Variants in ITPR2 observed in about 807,000 individuals in gnomAD.
ITPR2 encodes the protein inositol 1,4,5-trisphosphate-gated calcium channel ITPR2.
ITPR2 carries 207 observed loss-of-function variants against 317.1 expected under a neutral mutation model. The observed-to-expected ratio is 0.65, with a 90% CI of 0.58 to 0.73. The LOEUF (loss-of-function observed/expected upper bound fraction) is 0.73, where lower values mean the gene tolerates loss of function less well. ITPR2 is among the 30% of genes least tolerant of loss of function. ITPR2 has a pLI of 0.00. For missense variants in ITPR2, 2,613 were observed against 3,284.0 expected (o/e 0.80, Z 4.99); for synonymous variants, 1,156 against 1,149.1 (o/e 1.01, Z -0.12).
At chr12:26,617,727 G>GAA (rs879305280) in intron 26 of ITPR2, among the ~76,000 whole-genome samples, 113 of 111,390 alleles carry the variant, frequency 1.0e-3, no homozygotes, top group South Asian at 2.6e-3. Flanking sequence ...AAGGAGGAAG[G>GAA]GAGGGAGGGA....
At chr12:26,557,261 C>T (rs945500604) in intron 35 of ITPR2, among the ~76,000 whole-genome samples, 4 of 152,148 alleles carry the variant, frequency 2.6e-5, no homozygotes, top group Admixed American at 6.5e-5. Flanking sequence ...TACCCAACAG[C>T]CTTTCTTCAC....
intron 21 of ITPR2, among the ~76,000 whole-genome samples, chr12:26,642,246 T>C (rs1947006989): frequency 6.6e-6 from 1 of 152,228 alleles, no homozygotes; most frequent in Non-Finnish European, 1.5e-5. Context: ...CCATAATCTC[T>C]ATTTCCTATG....
intron 45 of ITPR2, among the ~76,000 whole-genome samples, chr12:26,463,858 A>T (rs1463749127): frequency 6.6e-6 from 1 of 152,162 alleles, no homozygotes; most frequent in Admixed American, 6.5e-5. Flanking sequence ...CAGTTGCAAC[A>T]CAGGGCTTTC....
intron 8 of ITPR2, among the ~76,000 whole-genome samples, chr12:26,711,924 A>G (rs531019201): frequency 5.1e-4 from 78 of 152,318 alleles, no homozygotes; most frequent in African/African-American, 1.8e-3. Context: ...AGCCCTTTCC[A>G]TGCATGCTTT....
intron 37 of ITPR2, among the ~76,000 whole-genome samples, chr12:26,525,943 C>T (rs76409326): frequency 0.013 from 1,996 of 152,290 alleles, 44 homozygotes; most frequent in African/African-American, 0.045. Context: ...GTCACCACTG[C>T]CAGCATTCCT....
At chr12:26,669,530 G>C (rs768599520) in intron 13 of ITPR2, among the ~76,000 whole-genome samples, 1 of 152,154 alleles carries the variant, frequency 6.6e-6, no homozygotes, top group Non-Finnish European at 1.5e-5. Flanking sequence ...CAAAAGCAAA[G>C]AAAAATAATC....
At chr12:26,694,215 A>G (rs901287963) in intron 10 of ITPR2, among the ~76,000 whole-genome samples, 1 of 152,208 alleles carries the variant, frequency 6.6e-6, no homozygotes, top group African/African-American at 2.4e-5. Context: ...ATGGATCAAG[A>G]CAAAACAAGA....
At chr12:26,508,979 C>T (rs1943259318) in intron 37 of ITPR2, among the ~76,000 whole-genome samples, 1 of 152,194 alleles carries the variant, frequency 6.6e-6, no homozygotes, top group African/African-American at 2.4e-5. Context: ...ATAGTAGAGA[C>T]AATCCAAATG....
chr12:26,821,251 C>A (rs1950933754), intron 1 of ITPR2, among the ~76,000 whole-genome samples: 2 of 152,246 alleles, frequency 1.3e-5, no homozygotes, highest in South Asian at 4.1e-4. Flanking sequence ...TCTCCCATAC[C>A]ACACTGCCCC....
chr12:26,679,802 G>A (rs1408960229), intron 13 of ITPR2, among the ~76,000 whole-genome samples: 5 of 151,920 alleles, frequency 3.3e-5, no homozygotes, highest in African/African-American at 1.2e-4. Context: ...TACACAACGG[G>A]ATCAACCTCC....
At chr12:26,825,394 T>C (rs1950994515) in intron 1 of ITPR2, among the ~76,000 whole-genome samples, 2 of 152,190 alleles carry the variant, frequency 1.3e-5, no homozygotes, top group Non-Finnish European at 2.9e-5. Context: ...AGTCCACTGT[T>C]AATTCTTTTA....
intron 9 of ITPR2, among the ~76,000 whole-genome samples, chr12:26,702,662 A>C (rs2137004903): frequency 6.7e-6 from 1 of 150,142 alleles, no homozygotes; most frequent in Admixed American, 6.6e-5. Flanking sequence ...CTAGTCTTGA[A>C]CTCCTGACCT....
chr12:26,439,030 TA>T, intron 47 of ITPR2, 96 bp downstream of exon 47: 2 of 783,850 alleles, frequency 2.6e-6, no homozygotes, highest in Non-Finnish European at 4.1e-6. Context: ...AGCAAGAAAT[TA>T]AAAAAACAAT....
intron 1 of ITPR2, among the ~76,000 whole-genome samples, chr12:26,798,018 A>T (rs986604199): frequency 1.3e-5 from 2 of 151,914 alleles, no homozygotes; most frequent in Admixed American, 6.6e-5. Context: ...AACTTTCAGA[A>T]CTTTATCACA....
intron 12 of ITPR2, among the ~76,000 whole-genome samples, 166 bp downstream of exon 12, chr12:26,682,408 G>C (rs1419490477): frequency 2.0e-5 from 3 of 152,174 alleles, no homozygotes; most frequent in Non-Finnish European, 2.9e-5. Flanking sequence ...ATTTAGATCA[G>C]CTACCTAAGC....
intron 55 of ITPR2, among the ~76,000 whole-genome samples, chr12:26,379,522 C>A (rs938608042): frequency 6.6e-5 from 10 of 152,134 alleles, no homozygotes; most frequent in Non-Finnish European, 4.4e-5. Flanking sequence ...AGCTGGTATG[C>A]AAAGATATGG....
chr12:26,768,294 T>G, intron 2 of ITPR2, among the ~76,000 whole-genome samples: 1 of 148,446 alleles, frequency 6.7e-6, no homozygotes, highest in Non-Finnish European at 1.5e-5. Flanking sequence ...GGGATAGCAG[T>G]GGGAGATATA....
At chr12:26,604,898 A>G (rs969623447) in intron 26 of ITPR2, among the ~76,000 whole-genome samples, 1 of 151,948 alleles carries the variant, frequency 6.6e-6, no homozygotes, top group Non-Finnish European at 1.5e-5. Context: ...GTTCGAGACC[A>G]GTCTGGCCAG....
intron 35 of ITPR2, among the ~76,000 whole-genome samples, chr12:26,560,510 G>A (rs1007976876): frequency 5.3e-5 from 8 of 151,870 alleles, no homozygotes; most frequent in East Asian, 3.9e-4. Flanking sequence ...TCTAATCATC[G>A]GGGCCTCTTA....
Sources: gnomAD v4.1 joint callset for allele counts (sites outside exome capture counted in the v4.1 genomes callset) on GRCh38, gnomAD v4.1.1 for gene constraint, MANE v1.5 for transcripts, NCBI Gene and HGNC (gene_info 2026-07-23, HGNC 2026-07-21) for gene names.